Variants in ZNHIT6 observed in about 807,000 individuals in gnomAD.
ZNHIT6 encodes zinc finger HIT-type containing 6.
Under a neutral mutation model 57.2 loss-of-function variants are expected in ZNHIT6, and 45 were observed. The observed-to-expected ratio is 0.79, with a 90% CI of 0.62 to 1.01. The LOEUF (loss-of-function observed/expected upper bound fraction) is 1.01, where lower values mean the gene tolerates loss of function less well. ZNHIT6 is among the 50% of genes least tolerant of loss of function. The pLI, the probability that ZNHIT6 is intolerant of heterozygous loss-of-function variation, is 0.00. For missense variants in ZNHIT6, 528 were observed against 567.3 expected (o/e 0.93, Z 0.70); for synonymous variants, 188 against 190.0 (o/e 0.99, Z 0.09).
At chr1:85,679,720 G>C (rs1661814677) in intron 6 of ZNHIT6, among the ~76,000 whole-genome samples, 2 of 151,972 alleles carry the variant, frequency 1.3e-5, no homozygotes, top group South Asian at 4.1e-4. Flanking sequence ...AAGTAGCTGT[G>C]ATTACAGGGG....
intron 6 of ZNHIT6, among the ~76,000 whole-genome samples, chr1:85,679,563 G>GTTTT (rs35523771): frequency 2.2e-5 from 3 of 135,254 alleles, no homozygotes; most frequent in Admixed American, 7.6e-5. Flanking sequence ...ACATTAAAAT[G>GTTTT]TTTTTTTTTT....
In ZNHIT6 at chr1:85,707,717, T is replaced by C; in HGVS notation, c.568A>G (p.Lys190Glu). The C allele has an allele frequency of 6.2e-7, 1 of 1,612,006 alleles. No individual in the cohort carries two copies. The highest frequency in any genetic ancestry group is 8.5e-7 in the Non-Finnish European group (1 of 1,179,340). ...ECVKEEKDFL[K>E]KEIVDDTKVK... The stretch of plus-strand genomic sequence containing the variant: ...TTTGTATCATCCACGATTTCTTTCT[T>C]CAGGAAATCCTTCTCTTCTTTTACA... Residue 190 changes from lysine to glutamate, a missense_variant, in exon 1 of 10, where the codon AAG (lysine) becomes GAG (glutamate). By Grantham distance (56) the Lys-to-Glu change is moderately conservative. Transcript: ENST00000370574.
At chr1:85,696,961 C>T (rs372588387) in intron 5 of ZNHIT6, among the ~76,000 whole-genome samples, 1 of 150,664 alleles carries the variant, frequency 6.6e-6, no homozygotes, top group East Asian at 2.0e-4. Flanking sequence ...CCCAGGTTCA[C>T]GCCATTCTCC....
intron 8 of ZNHIT6, among the ~76,000 whole-genome samples, chr1:85,667,947 CA>C (rs1156795211): frequency 5.4e-4 from 5 of 9,262 alleles, no homozygotes; most frequent in South Asian, 4.5e-3. Context: ...CTCTCTCTTT[CA>C]AAAAAAAAAA....
In ZNHIT6 at chr1:85,653,911, A is replaced by AT; in HGVS notation, c.*146dup. ...ATTAATTCAAGAGGTTATAAAATAC[A>AT]TTTTTTAAAAGAGTTAAGCTTATTT... On this transcript the variant is annotated 3_prime_UTR_variant, in exon 10 of 10. Transcript: ENST00000370574. The AT allele has an allele frequency of 1.6e-6, 1 of 636,090 alleles. No homozygotes were observed. Among genetic ancestry groups the AT allele is most frequent in the South Asian group, 2.1e-5 (1 of 47,638 alleles). 39.4% of individuals were successfully genotyped at this position (636,090 alleles called of 1,614,324 possible).
intron 8 of ZNHIT6, among the ~76,000 whole-genome samples, chr1:85,659,328 CAT>C (rs1337861530): frequency 6.6e-6 from 1 of 152,144 alleles, no homozygotes; most frequent in African/African-American, 2.4e-5. Context: ...CTAGCGGGTA[CAT>C]ATGAGAATAT....
rs554796131 is a variant in ZNHIT6 at position 85,650,044 on chromosome 1, C to A, written c.*4014G>T. Reference sequence around the variant, plus strand: ...CAGGGTGCAATGAATGTGTTACTTTCGTATTCCCAGTAACTACCTTTCCTC... The same window carrying A: ...CAGGGTGCAATGAATGTGTTACTTTAGTATTCCCAGTAACTACCTTTCCTC... On this transcript the variant is annotated 3_prime_UTR_variant, in exon 10 of 10. Transcript: ENST00000370574. 3 of 152,178 alleles carry A rather than the reference C, an allele frequency of 2.0e-5. No individual in the cohort carries two copies. Among genetic ancestry groups the A allele is most frequent in the South Asian group, 2.1e-4 (1 of 4,834 alleles). 9.4% of individuals were successfully genotyped at this position (152,178 alleles called of 1,614,324 possible). A position where few individuals can be genotyped will look rare whatever the true frequency, so the allele number is the denominator to read the frequency against.
rs187529270 is a variant in ZNHIT6, at chr1:85,688,560, C to T, written c.1020-7656G>A. Among the ~76,000 whole-genome samples, 7 of 152,314 alleles carry T rather than the reference C, an allele frequency of 4.6e-5. No individual in the cohort carries two copies. The East Asian group carries it at 1.3e-3, about 29-fold the overall frequency. On this transcript the variant is annotated intron_variant, in intron 5 of 9. Transcript: ENST00000370574. The stretch of plus-strand genomic sequence containing the variant: ...TACTTCGCAATCGTTCCCTACCTCT[C>T]ACCACCATCCTTCGTAATCCATAAC...
At chr1:85,669,516 A>C (rs1661492342) in intron 8 of ZNHIT6, among the ~76,000 whole-genome samples, 1 of 152,216 alleles carries the variant, frequency 6.6e-6, no homozygotes, top group African/African-American at 2.4e-5. Flanking sequence ...TATTAACTAA[A>C]ACCAGCACAG....
rs534104646 is a variant in ZNHIT6 at position 85,665,204 on chromosome 1, T to C, written c.1248-7233A>G. Among the ~76,000 whole-genome samples the C allele has an allele frequency of 7.2e-5, 11 of 152,290 alleles. 1 individual carries two copies. Among genetic ancestry groups the C allele is most frequent in the Admixed American group, 6.5e-4 (10 of 15,282 alleles). ...AACCCTAGCTAACACCTCTCCTTAATTGGTTCATATTCTTTTTTTGCTCAA... is the reference window on the plus strand; with the variant it reads ...AACCCTAGCTAACACCTCTCCTTAACTGGTTCATATTCTTTTTTTGCTCAA... On this transcript the variant is annotated intron_variant, in intron 8 of 9. Coordinates refer to ENST00000370574, the MANE Select transcript of ZNHIT6 (RefSeq NM_017953.4).
chr1:85,706,655 T>A, intron 1 of ZNHIT6, 148 bp from the exon 2 acceptor site: 1 of 690,990 alleles, frequency 1.4e-6, no homozygotes, highest in Non-Finnish European at 2.2e-6. Flanking sequence ...AATTCTTCTC[T>A]ATGAAACCTT....
intron 9 of ZNHIT6, 28 bp downstream of exon 9, chr1:85,657,819 A>G (rs1244349585): frequency 2.5e-6 from 4 of 1,601,236 alleles, no homozygotes; most frequent in Non-Finnish European, 3.4e-6. Flanking sequence ...AGCTATTCTA[A>G]GCATTACAGA....
rs1312798578 is a variant in ZNHIT6, at chr1:85,649,422, C to T, written c.*4636G>A. 1.3e-5 allele frequency: 2 copies of T among 152,134 alleles called. No individual in the cohort carries two copies. The highest frequency in any genetic ancestry group is 6.5e-5 in the Admixed American group (1 of 15,272). 9.4% of individuals were successfully genotyped at this position (152,134 alleles called of 1,614,324 possible). ...AAGTCAGGGGTTACCAAATATCAGG[C>T]TGAGCTTTGGTACTTTATTTGGCAA... On this transcript the variant is annotated 3_prime_UTR_variant, in exon 10 of 10. Transcript: ENST00000370574.
chr1:85,663,098 A>C (rs985525692), intron 8 of ZNHIT6, among the ~76,000 whole-genome samples: 5 of 152,172 alleles, frequency 3.3e-5, no homozygotes, highest in African/African-American at 1.2e-4. Context: ...TTTGCCCATC[A>C]ATATAATGGT....
At chr1:85,666,618 C>T (rs1279091720) in intron 8 of ZNHIT6, among the ~76,000 whole-genome samples, 2 of 152,020 alleles carry the variant, frequency 1.3e-5, no homozygotes, top group African/African-American at 2.4e-5. Flanking sequence ...AAACACTCAC[C>T]GAACTGTGCC....
At chr1:85,662,468 T>C (rs1570285763) in intron 8 of ZNHIT6, among the ~76,000 whole-genome samples, 1 of 151,208 alleles carries the variant, frequency 6.6e-6, no homozygotes, top group East Asian at 2.0e-4. Context: ...TTTCTCAATC[T>C]AGGTTTCTAG....
chr1:85,702,321 T>C (rs1662560013), intron 4 of ZNHIT6, 61 bp from the exon 5 acceptor site: 1 of 1,001,224 alleles, frequency 1.0e-6, no homozygotes, highest in African/African-American at 1.6e-5. Context: ...AAAAAGTGAG[T>C]AAAACAATGT....
In ZNHIT6 at chr1:85,672,737, AC is replaced by A. The variant is rs1281335901; in HGVS notation, c.1247+4498del. Among the ~76,000 whole-genome samples the A allele has an allele frequency of 5.4e-4, 82 of 152,010 alleles. 1 individual carries two copies. The highest frequency in any genetic ancestry group is 5.9e-5 in the Non-Finnish European group (4 of 67,986). On this transcript the variant is annotated intron_variant, in intron 8 of 9. Transcript: ENST00000370574. Reference sequence around the variant, plus strand: ...TTTATATGCCTAGAAGATTAAATGTACTTAATGGTTTTTTTTGAATAAATTT... The same window carrying A: ...TTTATATGCCTAGAAGATTAAATGTATTAATGGTTTTTTTTGAATAAATTT...
intron 8 of ZNHIT6, among the ~76,000 whole-genome samples, chr1:85,668,525 G>A (rs552994704): frequency 6.6e-6 from 1 of 152,264 alleles, no homozygotes; most frequent in Admixed American, 6.5e-5. Context: ...TCTGAAAATA[G>A]TTAATACTGT....
Sources: gnomAD v4.1 joint callset for allele counts (sites outside exome capture counted in the v4.1 genomes callset) on GRCh38, gnomAD v4.1.1 for gene constraint, MANE v1.5 for transcripts, NCBI Gene and HGNC (gene_info 2026-07-23, HGNC 2026-07-21) for gene names.